Variants in ZXDC observed in about 807,000 individuals in gnomAD.
The protein encoded by ZXDC is ZXD family zinc finger C.
In ZXDC, 58 loss-of-function variants were observed where a neutral mutation model predicts 63.6. The ratio of observed to expected loss-of-function variants is 0.91; its 90% CI spans 0.74 to 1.13. The LOEUF (loss-of-function observed/expected upper bound fraction) is 1.13. Among genes scored for constraint, ZXDC ranks in the 50% most tolerant of loss-of-function variants. The pLI is 0.00. For missense variants in ZXDC, 1,133 were observed against 1,148.9 expected (o/e 0.99, Z 0.20); for synonymous variants, 561 against 496.1 (o/e 1.13, Z -1.74).
chr3:126,475,179 C>A lies in ZXDC; in HGVS notation c.687G>T (p.Leu229=). The change falls in exon 1 of 10, where the codon CTG becomes CTT. Residue 229 remains leucine, a synonymous_variant. Transcript: ENST00000389709. ...FTTSYKLKRH[L]QSHDKLRPFG... ...AGGGCCGCAGCTTGTCGTGCGACTG[C>A]AGGTGCCGCTTGAGCTTGTAGGACG... is the stretch of plus-strand genomic sequence containing the variant. 1.3e-6 allele frequency: 2 copies of A among 1,598,612 alleles called. No individual in the cohort carries two copies. The highest frequency in any genetic ancestry group is 1.1e-5 in the South Asian group (1 of 88,654).
At chr3:126,440,737 G>A (rs746666172) in intron 8 of ZXDC, 116 of 985,634 alleles carry the variant, frequency 1.2e-4, no homozygotes, top group Non-Finnish European at 1.4e-4. Flanking sequence ...CCCATCTGAC[G>A]CTCACCGCTA....
intron 7 of ZXDC, among the ~76,000 whole-genome samples, chr3:126,449,380 G>A (rs1486838863): frequency 6.6e-6 from 1 of 152,096 alleles, no homozygotes; most frequent in Non-Finnish European, 1.5e-5. Flanking sequence ...CTTTTAGTCA[G>A]CCCTGGGCTA....
At chr3:126,463,656 G>A (rs1012243575) in intron 5 of ZXDC, among the ~76,000 whole-genome samples, 1 of 152,006 alleles carries the variant, frequency 6.6e-6, no homozygotes, top group African/African-American at 2.4e-5. Context: ...TTGATGTCAC[G>A]CTTTCCATAG....
At chr3:126,440,052 C>T in intron 8 of ZXDC, 1 of 1,168,086 alleles carries the variant, frequency 8.6e-7, no homozygotes, top group Admixed American at 4.4e-5. Context: ...GGTGCCCTGG[C>T]ACGCCCTGTA....
In ZXDC at chr3:126,461,709, A is replaced by G. The variant is rs961325628; in HGVS notation, c.1953T>C (p.Ser651=). ...TGATTGGAGCCAGCAGTTCCGGGAC[A>G]CTGGCATTTTCTCGGGGGGTGCTCG... The part of the protein sequence containing the change: ...TSSSTPRENA[S]VPELLAPIKV... Residue 651 remains serine (S), a synonymous_variant, in exon 6 of 10, where the codon AGT becomes AGC. Coordinates refer to ENST00000389709, the MANE Select transcript of ZXDC (RefSeq NM_025112.5). 3 of 1,608,718 alleles carry G rather than the reference A, an allele frequency of 1.9e-6. No homozygotes were observed. Among genetic ancestry groups the G allele is most frequent in the Non-Finnish European group, 2.5e-6 (3 of 1,178,568 alleles).
Position 126,454,550 on chromosome 3 carries a change from T to C in ZXDC, c.2212+5103A>G, listed in dbSNP as rs944433344. ...ATTTCCATACAGGGTGCACCTCTCCTAGACAACACACAGCGGAGAGTGTGC... is the reference window on the plus strand; with the variant it reads ...ATTTCCATACAGGGTGCACCTCTCCCAGACAACACACAGCGGAGAGTGTGC... On this transcript the variant is annotated intron_variant, in intron 7 of 9. Coordinates refer to ENST00000389709, the MANE Select transcript of ZXDC (RefSeq NM_025112.5). 30 of 985,346 alleles carry C rather than the reference T, an allele frequency of 3.0e-5. No individual in the cohort carries two copies. In the Admixed American group the frequency reaches 1.7e-3, roughly 57 times the overall value. The allele number at this position is 985,346 out of a possible 1,614,324, so 61.0% of individuals were successfully genotyped here.
Position 126,475,665 on chromosome 3 carries a change from C to T in ZXDC, c.201G>A (p.Glu67=). 7.0e-7 allele frequency: 1 copy of T among 1,430,686 alleles called. No homozygotes were observed. Among genetic ancestry groups the T allele is most frequent in the Admixed American group, 2.3e-5 (1 of 42,742 alleles). The allele number at this position is 1,430,686 out of a possible 1,614,324, so 88.6% of individuals were successfully genotyped here. A position where few individuals can be genotyped will look rare whatever the true frequency, so the allele number is the denominator to read the frequency against. ...EASGPSPPPA[E]DDSDGDSFLV... ...AGAAAGAGTCGCCGTCGCTGTCGTC[C>T]TCGGCGGGCGGCGGGCTTGGCCCGG... Residue 67 remains glutamate (E), a synonymous_variant, in exon 1 of 10, where the codon GAG becomes GAA. Coordinates refer to ENST00000389709, the MANE Select transcript of ZXDC (RefSeq NM_025112.5).
intron 7 of ZXDC, chr3:126,450,271 G>A (rs985088347): frequency 2.0e-5 from 9 of 451,298 alleles, no homozygotes; most frequent in African/African-American, 4.0e-5. Flanking sequence ...GTGGTGTGGA[G>A]GGAGCCACGA....
chr3:126,471,091 T>A, intron 3 of ZXDC, 66 bp from the exon 4 acceptor site: 1 of 1,558,374 alleles, frequency 6.4e-7, no homozygotes, highest in Non-Finnish European at 8.7e-7. Context: ...TTTAAAATTC[T>A]ACAAAACATA....
intron 4 of ZXDC, 62 bp downstream of exon 4, chr3:126,470,833 T>C: frequency 6.3e-7 from 1 of 1,593,538 alleles, no homozygotes; most frequent in Non-Finnish European, 8.6e-7. Flanking sequence ...AACGGAAACT[T>C]AACAGGATAA....
At chr3:126,470,447 C>T (rs1396588097) in intron 4 of ZXDC, among the ~76,000 whole-genome samples, 1 of 152,202 alleles carries the variant, frequency 6.6e-6, no homozygotes, top group Non-Finnish European at 1.5e-5. Flanking sequence ...GCCTGGGTGA[C>T]AGAGCAAGAC....
chr3:126,448,380 G>T (rs1057229751), intron 7 of ZXDC, among the ~76,000 whole-genome samples: 21 of 152,186 alleles, frequency 1.4e-4, no homozygotes, highest in African/African-American at 5.1e-4. Flanking sequence ...CGTGCATTTT[G>T]CAGCACACAG....
chr3:126,457,642 A>G (rs1481875703), intron 7 of ZXDC: 12 of 985,438 alleles, frequency 1.2e-5, no homozygotes, highest in Non-Finnish European at 1.4e-5. Context: ...ACAGATTCAA[A>G]CATCATGAAC....
At chr3:126,450,280 G>A (rs1297172955) in intron 7 of ZXDC, 2 of 454,060 alleles carry the variant, frequency 4.4e-6, no homozygotes, top group South Asian at 1.6e-5. Context: ...AGGGAGCCAC[G>A]AGGGACTGCT....
At chr3:126,468,866 A>G (rs1190996339) in intron 4 of ZXDC, among the ~76,000 whole-genome samples, 2 of 151,286 alleles carry the variant, frequency 1.3e-5, no homozygotes, top group Admixed American at 1.3e-4. Context: ...CACCACCCCC[A>G]CTGTGCTGTT....
chr3:126,450,302 T>C (rs1265589415), intron 7 of ZXDC: 1 of 456,388 alleles, frequency 2.2e-6, no homozygotes, highest in Non-Finnish European at 4.4e-6. Flanking sequence ...GGCAAAATTC[T>C]CCTGCCCCTA....
chr3:126,463,727 G>A (rs941637858), intron 5 of ZXDC, among the ~76,000 whole-genome samples: 22 of 152,262 alleles, frequency 1.4e-4, no homozygotes, highest in Admixed American at 1.3e-3. Context: ...AGCTGCTCTC[G>A]GTTCTCTGAT....
chr3:126,472,352 T>C (rs1935013763), intron 1 of ZXDC, 47 bp from the exon 2 acceptor site: 1 of 1,590,170 alleles, frequency 6.3e-7, no homozygotes, highest in Non-Finnish European at 8.6e-7. Context: ...GCAAAAATTA[T>C]ACAACATAGC....
chr3:126,441,676 C>T (rs1318243585), intron 8 of ZXDC, 89 bp downstream of exon 8: 6 of 1,448,516 alleles, frequency 4.1e-6, no homozygotes, highest in Non-Finnish European at 5.4e-6. Context: ...CTGCGATGGG[C>T]AGGGGATGCA....
Sources: gnomAD v4.1 joint callset for allele counts (sites outside exome capture counted in the v4.1 genomes callset) on GRCh38, gnomAD v4.1.1 for gene constraint, MANE v1.5 for transcripts, NCBI Gene and HGNC (gene_info 2026-07-23, HGNC 2026-07-21) for gene names.